Variants in NDC1 observed in about 807,000 individuals in gnomAD.
NDC1 encodes NDC1 transmembrane nucleoporin, also known as nucleoporin NDC1.
In NDC1, 24 loss-of-function variants were observed where a neutral mutation model predicts 89.8. That is an observed-to-expected ratio of 0.27 (90% CI 0.19 to 0.38). The LOEUF (loss-of-function observed/expected upper bound fraction) is 0.38. Ranked by LOEUF, NDC1 falls within the 10% of genes least tolerant of loss-of-function variation. The probability of loss-of-function intolerance (pLI) is 1.00; values close to 1 mark genes in which losing one functional copy is unlikely to be tolerated. For synonymous variants in NDC1, 296 were observed against 284.8 expected (o/e 1.04, Z -0.39); for missense variants, 728 against 797.6 (o/e 0.91, Z 1.05).
At chr1:53,805,768 C>A (rs55949318) in intron 9 of NDC1, among the ~76,000 whole-genome samples, 4,399 of 152,162 alleles carry the variant, frequency 0.029, 97 homozygotes, top group Middle Eastern at 0.044. Context: ...TGTTTTGATC[C>A]AGTGATTAAA....
At chr1:53,800,394 G>T (rs1647866362) in intron 11 of NDC1, among the ~76,000 whole-genome samples, 1 of 121,316 alleles carries the variant, frequency 8.2e-6, no homozygotes, top group Admixed American at 1.0e-4. Flanking sequence ...GGAGTGCAAT[G>T]GCACAATCTC....
chr1:53,769,926 G>T (rs1242924596), intron 17 of NDC1, among the ~76,000 whole-genome samples: 1 of 152,186 alleles, frequency 6.6e-6, no homozygotes, highest in Non-Finnish European at 1.5e-5. Context: ...TCCTGGTTCT[G>T]CAACTCACTA....
At chr1:53,835,916 T>C (rs932088058) in intron 1 of NDC1, among the ~76,000 whole-genome samples, 13 of 152,286 alleles carry the variant, frequency 8.5e-5, no homozygotes, top group Admixed American at 2.0e-4. Context: ...CTAGGCTTAA[T>C]TGATAGCTAT....
chr1:53,799,343 C>T (rs1447760501), intron 11 of NDC1, among the ~76,000 whole-genome samples: 1 of 152,154 alleles, frequency 6.6e-6, no homozygotes, highest in Non-Finnish European at 1.5e-5. Flanking sequence ...AGTAGGAATT[C>T]AATAAGTATT....
chr1:53,808,439 C>T (rs1648188370), intron 7 of NDC1, among the ~76,000 whole-genome samples: 1 of 152,174 alleles, frequency 6.6e-6, no homozygotes, highest in Non-Finnish European at 1.5e-5. Flanking sequence ...CAGCGGTTTC[C>T]TCATCCATAT....
At chr1:53,828,615 TTTTA>T (rs1204631683) in intron 3 of NDC1, among the ~76,000 whole-genome samples, 1 of 151,716 alleles carries the variant, frequency 6.6e-6, no homozygotes, top group Non-Finnish European at 1.5e-5. Flanking sequence ...TTTTATTTTA[TTTTA>T]TTTATTTTTG....
intron 10 of NDC1, 36 bp downstream of exon 10, chr1:53,803,892 C>T (rs1648011914): frequency 6.7e-7 from 1 of 1,487,862 alleles, no homozygotes; most frequent in Non-Finnish European, 9.4e-7. Flanking sequence ...TTTCTACACA[C>T]ATATGCCTAA....
intron 3 of NDC1, among the ~76,000 whole-genome samples, chr1:53,831,025 T>C (rs985856918): frequency 1.3e-5 from 2 of 151,912 alleles, no homozygotes; most frequent in South Asian, 2.1e-4. Context: ...ATTGAGACCA[T>C]CCTGGCTAAC....
chr1:53,771,405 T>C (rs1341761275), intron 17 of NDC1, among the ~76,000 whole-genome samples: 1 of 152,180 alleles, frequency 6.6e-6, no homozygotes, highest in African/African-American at 2.4e-5. Flanking sequence ...TGTACAATTA[T>C]GATAATTTCT....
At chr1:53,828,217 A>T (rs1363603233) in intron 3 of NDC1, 44 bp from the exon 4 acceptor site, 2 of 1,570,128 alleles carry the variant, frequency 1.3e-6, no homozygotes, top group Non-Finnish European at 8.7e-7. Flanking sequence ...CCTACAGCAT[A>T]TGCAGTTAGA....
intron 15 of NDC1, among the ~76,000 whole-genome samples, chr1:53,787,885 A>G (rs1194436405): frequency 7.4e-6 from 1 of 135,672 alleles, no homozygotes; most frequent in African/African-American, 2.9e-5. Context: ...AAAAAAAAAC[A>G]TGTGGTAAGG....
At chr1:53,771,251 A>G (rs984435552) in intron 17 of NDC1, 6 of 152,192 alleles carry the variant, frequency 3.9e-5, no homozygotes, top group African/African-American at 1.4e-4. Context: ...ACTAATTTAT[A>G]TCTTGGAGGC....
chr1:53,807,557 G>T, intron 8 of NDC1, 99 bp downstream of exon 8: 1 of 956,068 alleles, frequency 1.0e-6, no homozygotes, highest in Non-Finnish European at 1.5e-6. Context: ...CCAGCTTACG[G>T]AAATGGTTTT....
chr1:53,782,367 T>C (rs1647218006), intron 16 of NDC1, among the ~76,000 whole-genome samples: 1 of 151,988 alleles, frequency 6.6e-6, no homozygotes, highest in East Asian at 1.9e-4. Flanking sequence ...AGCAAGAGAA[T>C]GGGTGGGTAA....
intron 14 of NDC1, among the ~76,000 whole-genome samples, chr1:53,790,656 G>A (rs553908338): frequency 2.6e-5 from 4 of 151,946 alleles, no homozygotes; most frequent in African/African-American, 7.3e-5. Context: ...GCAGTGAGTC[G>A]AGATCATGCC....
At position 53,832,516 on chromosome 1, in the gene NDC1, CTTA is replaced by C. The variant is rs577226450; in HGVS notation, c.251_253del (p.Ile84del). 309 of 1,582,114 alleles carry C rather than the reference CTTA, an allele frequency of 2.0e-4. No homozygotes were observed. Among genetic ancestry groups the C allele is most frequent in the Non-Finnish European group, 2.3e-4 (266 of 1,152,458 alleles). ...TGCATAGAACTCCACATTGAAAATA[CTTA>C]TTATTATTATTACCACTGACAGCAG... On this transcript the variant is annotated inframe_deletion, in exon 3 of 18. Transcript: ENST00000371429.
chr1:53,835,312 A>G (rs1649193158), intron 2 of NDC1, among the ~76,000 whole-genome samples, 188 bp downstream of exon 2: 1 of 152,224 alleles, frequency 6.6e-6, no homozygotes, highest in Non-Finnish European at 1.5e-5. Context: ...AAGCTTATTA[A>G]TCTTATTACA....
chr1:53,818,855 A>T (rs1023780881), intron 6 of NDC1, 116 bp downstream of exon 6: 2 of 567,264 alleles, frequency 3.5e-6, no homozygotes, highest in Non-Finnish European at 3.1e-6. Context: ...GAATCAGTTG[A>T]GCTAATCACA....
In NDC1 at chr1:53,838,205, G is replaced by A. The variant is rs761732272; in HGVS notation, c.57C>T (p.Arg19=). ...GTGCCACAGTGCACGCCGCACTCACGCGCCACAGTATGTCCCGCGACCTGC... is the reference window on the plus strand; with the variant it reads ...GTGCCACAGTGCACGCCGCACTCACACGCCACAGTATGTCCCGCGACCTGC... ...CAGRSRDILW[R]VLGWRIVASI... The change falls in exon 1 of 18, where the codon CGC becomes CGT. Residue 19 remains arginine (R), a splice_region_variant and synonymous_variant. Transcript: ENST00000371429. 4 of 1,534,732 alleles carry A rather than the reference G, an allele frequency of 2.6e-6. No individual in the cohort carries two copies. In the African/African-American group the frequency reaches 5.5e-5, roughly 21 times the overall value.
Sources: gnomAD v4.1 joint callset for allele counts (sites outside exome capture counted in the v4.1 genomes callset) on GRCh38, gnomAD v4.1.1 for gene constraint, MANE v1.5 for transcripts, NCBI Gene and HGNC (gene_info 2026-07-23, HGNC 2026-07-21) for gene names.